The following KCNH1 variants were observed in gnomAD, a reference collection of about 807,000 sequenced individuals.
The protein encoded by KCNH1 is potassium voltage-gated channel subfamily H member 1, also known as voltage-gated delayed rectifier potassium channel KCNH1.
In KCNH1, 27 loss-of-function variants were observed where a neutral mutation model predicts 69.2. The observed-to-expected ratio is 0.39, with a 90% CI of 0.29 to 0.54. The LOEUF (loss-of-function observed/expected upper bound fraction) is 0.54. Ranked by LOEUF, KCNH1 falls within the 20% of genes least tolerant of loss-of-function variation. The pLI, the probability that KCNH1 is intolerant of heterozygous loss-of-function variation, is 0.68. For synonymous variants in KCNH1, 456 were observed against 487.7 expected (o/e 0.93, Z 0.86); for missense variants, 798 against 1,261.6 (o/e 0.63, Z 5.57).
chr1:210,845,560 G>A (rs537314868), intron 7 of KCNH1, among the ~76,000 whole-genome samples: 1 of 152,188 alleles, frequency 6.6e-6, no homozygotes, highest in African/African-American at 2.4e-5. Flanking sequence ...AATAAACTAG[G>A]TATTGATGGG....
At chr1:210,868,650 C>A (rs1472583672) in intron 7 of KCNH1, among the ~76,000 whole-genome samples, 1 of 151,874 alleles carries the variant, frequency 6.6e-6, no homozygotes, top group Non-Finnish European at 1.5e-5. Flanking sequence ...ACTAAAATAT[C>A]TTCTTAACAA....
intron 2 of KCNH1, 104 bp from the exon 3 acceptor site, chr1:211,103,706 G>A: frequency 1.5e-6 from 1 of 673,656 alleles, no homozygotes; most frequent in Non-Finnish European, 2.5e-6. Context: ...ATGTACTGTG[G>A]AACACACACA....
At chr1:210,903,078 G>C (rs559843207) in intron 7 of KCNH1, among the ~76,000 whole-genome samples, 1 of 151,964 alleles carries the variant, frequency 6.6e-6, no homozygotes, top group Admixed American at 6.6e-5. Context: ...AAATGCACTG[G>C]GTTCTCTGGT....
intron 7 of KCNH1, among the ~76,000 whole-genome samples, chr1:210,901,681 T>C (rs936261395): frequency 6.6e-6 from 1 of 152,168 alleles, no homozygotes; most frequent in African/African-American, 2.4e-5. Flanking sequence ...GCATGGGGCC[T>C]GGGAGCTGGG....
intron 4 of KCNH1, among the ~76,000 whole-genome samples, chr1:211,087,367 C>A (rs1191576011): frequency 6.6e-6 from 1 of 152,048 alleles, no homozygotes; most frequent in African/African-American, 2.4e-5. Flanking sequence ...ATTGACTCAT[C>A]CTTTGGTGAG....
intron 5 of KCNH1, among the ~76,000 whole-genome samples, chr1:211,037,492 C>CTTTT (rs59386390): frequency 1.3e-3 from 152 of 115,360 alleles, no homozygotes; most frequent in African/African-American, 4.7e-3. Context: ...TAATTCAGTG[C>CTTTT]TTTTTTTTTT....
At chr1:210,811,476 C>T (rs1223057198) in intron 7 of KCNH1, among the ~76,000 whole-genome samples, 1 of 152,148 alleles carries the variant, frequency 6.6e-6, no homozygotes, top group African/African-American at 2.4e-5. Context: ...TCATTCATTG[C>T]TTTCCAGCTT....
At chr1:211,087,346 A>T (rs1338053322) in intron 4 of KCNH1, among the ~76,000 whole-genome samples, 1 of 152,174 alleles carries the variant, frequency 6.6e-6, no homozygotes, top group African/African-American at 2.4e-5. Flanking sequence ...GATAATAGAG[A>T]AAACAAGAGG....
chr1:211,082,962 C>G (rs1473654506), intron 4 of KCNH1, 64 bp from the exon 5 acceptor site: 2 of 1,327,886 alleles, frequency 1.5e-6, no homozygotes, highest in Non-Finnish European at 1.1e-6. Context: ...CAGACATTCA[C>G]ATTACAAGTT....
chr1:210,843,057 A>C (rs1477723085), intron 7 of KCNH1, among the ~76,000 whole-genome samples: 1 of 152,214 alleles, frequency 6.6e-6, no homozygotes, highest in Non-Finnish European at 1.5e-5. Context: ...TCCTTGGTGA[A>C]AGAAATAAGG....
At chr1:210,684,267 A>C in intron 10 of KCNH1, 129 bp from the exon 11 acceptor site, 14 of 971,112 alleles carry the variant, frequency 1.4e-5, no homozygotes, top group Non-Finnish European at 2.0e-5. Context: ...GCTGGGGCTC[A>C]CAGCCTACAA....
Position 210,679,684 on chromosome 1 carries a change from C to T in KCNH1, c.*3597G>A, listed in dbSNP as rs1417133884. Reference sequence around the variant, plus strand: ...TGGGGTGGTATAGTACATTTTTACCCCTGCCCAGCCCTCCCCACTTTTGAA... The same window carrying T: ...TGGGGTGGTATAGTACATTTTTACCTCTGCCCAGCCCTCCCCACTTTTGAA... On this transcript the variant is annotated 3_prime_UTR_variant, in exon 11 of 11. Coordinates refer to ENST00000271751, the MANE Select transcript of KCNH1 (RefSeq NM_172362.3). 1 of 152,128 alleles carries T rather than the reference C, an allele frequency of 6.6e-6. No homozygotes were observed. Among genetic ancestry groups the T allele is most frequent in the African/African-American group, 2.4e-5 (1 of 41,398 alleles). 9.4% of individuals were successfully genotyped at this position (152,128 alleles called of 1,614,324 possible). A position where few individuals can be genotyped will look rare whatever the true frequency, so the allele number is the denominator to read the frequency against.
At chr1:210,890,492 T>G (rs976567491) in intron 7 of KCNH1, among the ~76,000 whole-genome samples, 2 of 152,022 alleles carry the variant, frequency 1.3e-5, no homozygotes, top group Admixed American at 6.5e-5. Flanking sequence ...GGGCAAACAC[T>G]TCATGACTAA....
chr1:211,060,923 A>C (rs1690423160), intron 5 of KCNH1, among the ~76,000 whole-genome samples: 1 of 152,182 alleles, frequency 6.6e-6, no homozygotes. Context: ...TATCCCAAAA[A>C]ATAGAGGAGA....
In KCNH1 at chr1:210,683,316, G is replaced by A. The variant is rs1681319240; in HGVS notation, c.2935C>T (p.Pro979Ser). 3 of 1,613,858 alleles carry A rather than the reference G, an allele frequency of 1.9e-6. No homozygotes were observed. In the Admixed American group the frequency reaches 5.0e-5, roughly 27 times the overall value. The change falls in exon 11 of 11, where the codon CCA becomes TCA. Residue 979 changes from proline (P) to serine (S), a missense_variant. Pro to Ser is a moderately conservative substitution (Grantham distance 74). Transcript: ENST00000271751. This position sits in a 1 kb window ranked among gnomAD's most constrained non-coding sequence, Gnocchi z 5.7. ...CCAAAAATGTCTCTCTCTGATTCTG[G>A]GGACTGTGGCCTCGATATTTCAAAC... is the stretch of plus-strand genomic sequence containing the variant. ...ELFEISRPQSPESERDIFGAS is the reference protein window; with the variant it reads ...ELFEISRPQSSESERDIFGAS
In KCNH1 at chr1:210,689,258, G is replaced by A. The variant is rs772798782; in HGVS notation, c.2113-5120C>T. Among the ~76,000 whole-genome samples the A allele has an allele frequency of 4.6e-5, 7 of 152,330 alleles. No homozygotes were observed. The East Asian group carries it at 7.7e-4, about 17-fold the overall frequency. Reference sequence around the variant, plus strand: ...AAAACCAATACCCCTGGAATCTGACGTGAGTCAGGATAGTCGACCACCTCT... The same window carrying A: ...AAAACCAATACCCCTGGAATCTGACATGAGTCAGGATAGTCGACCACCTCT... On this transcript the variant is annotated intron_variant, in intron 10 of 10. Coordinates refer to ENST00000271751, the MANE Select transcript of KCNH1 (RefSeq NM_172362.3).
intron 6 of KCNH1, among the ~76,000 whole-genome samples, chr1:210,998,950 G>A (rs986475863): frequency 1.5e-4 from 23 of 152,310 alleles, no homozygotes; most frequent in African/African-American, 5.1e-4. Context: ...AAATAAAGAT[G>A]TTCTTTGAAA....
chr1:210,692,669 G>A (rs1681551044), intron 10 of KCNH1, among the ~76,000 whole-genome samples: 1 of 152,116 alleles, frequency 6.6e-6, no homozygotes, highest in African/African-American at 2.4e-5. Context: ...AAGAGACAGG[G>A]AAAAATGCAG....
intron 7 of KCNH1, among the ~76,000 whole-genome samples, chr1:210,867,813 A>G (rs1686147965): frequency 1.3e-5 from 2 of 152,006 alleles, no homozygotes; most frequent in South Asian, 4.1e-4. Context: ...ACTCAGGATA[A>G]TATATTTGAG....
Sources: allele counts gnomAD v4.1 joint callset (sites outside exome capture counted in the v4.1 genomes callset), GRCh38; gene constraint gnomAD v4.1.1; non-coding constraint Gnocchi (gnomAD v3.1); transcripts MANE v1.5; gene names NCBI Gene and HGNC (gene_info 2026-07-23, HGNC 2026-07-21).